The following SUMF1 variants were observed in gnomAD, a reference collection of about 807,000 sequenced individuals.
SUMF1 encodes the protein formylglycine-generating enzyme.
SUMF1 carries 48 observed loss-of-function variants against 47.6 expected under a neutral mutation model. The observed-to-expected ratio is 1.01, with a 90% CI of 0.80 to 1.28. SUMF1 has a LOEUF of 1.28. SUMF1 is among the 50% of genes most tolerant of loss of function. The pLI is 0.00. For missense variants in SUMF1, 571 were observed against 485.4 expected (o/e 1.18, Z -1.66); for synonymous variants, 230 against 192.1 (o/e 1.20, Z -1.63).
chr3:4,182,603 AC>A (rs928010619), intron 8 of SUMF1, among the ~76,000 whole-genome samples: 8 of 151,702 alleles, frequency 5.3e-5, no homozygotes, highest in South Asian at 2.1e-4. Context: ...TATATATTCC[AC>A]CCCAATTCTC....
At chr3:4,181,790 C>A (rs1187585701) in intron 8 of SUMF1, among the ~76,000 whole-genome samples, 2 of 152,098 alleles carry the variant, frequency 1.3e-5, no homozygotes, top group South Asian at 4.1e-4. Flanking sequence ...CCACAGAATT[C>A]TCTGGCTGTG....
At chr3:4,398,614 C>G (rs894882106) in intron 7 of SUMF1, among the ~76,000 whole-genome samples, 2 of 152,034 alleles carry the variant, frequency 1.3e-5, no homozygotes, top group Non-Finnish European at 2.9e-5. Flanking sequence ...GATACAAAAA[C>G]TAGCTTGCCA....
chr3:4,114,742 T>C (rs77698137), intron 8 of SUMF1, among the ~76,000 whole-genome samples: 3,083 of 152,262 alleles, frequency 0.02, 48 homozygotes, highest in Non-Finnish European at 0.033. Flanking sequence ...GAGAAGTATT[T>C]AAGAAATCAT....
At chr3:4,337,471 C>G (rs538756710) in intron 8 of SUMF1, among the ~76,000 whole-genome samples, 1 of 152,220 alleles carries the variant, frequency 6.6e-6, no homozygotes, top group Non-Finnish European at 1.5e-5. Context: ...GTCCTCTCGT[C>G]CAGACATATT....
At position 4,193,209 on chromosome 3, in the gene SUMF1, G is replaced by A. The variant is rs147303242; in HGVS notation, c.1015-124464C>T. On this transcript the variant is annotated intron_variant and NMD_transcript_variant, in intron 8 of 12. Transcript: ENST00000448413. Reference sequence around the variant, plus strand: ...ATATGGGTATTATACATGAAGAACTGAAATTTTATTTTATTTTTAATTTAT... The same window carrying A: ...ATATGGGTATTATACATGAAGAACTAAAATTTTATTTTATTTTTAATTTAT... 1.8e-3 allele frequency among the ~76,000 whole-genome samples: 275 copies of A among 152,144 alleles called. 2 individuals are homozygous for A. The highest frequency in any genetic ancestry group is 6.4e-3 in the African/African-American group (264 of 41,514).
chr3:4,242,135 G>A (rs568911536), intron 8 of SUMF1, among the ~76,000 whole-genome samples: 3 of 152,294 alleles, frequency 2.0e-5, no homozygotes, highest in Admixed American at 1.3e-4. Flanking sequence ...TGTATGCTAA[G>A]ACTTTGCTGA....
intron 9 of SUMF1, among the ~76,000 whole-genome samples, chr3:4,062,533 C>A (rs1205291509): frequency 6.6e-6 from 1 of 152,004 alleles, no homozygotes; most frequent in Non-Finnish European, 1.5e-5. Flanking sequence ...TACCAACAAT[C>A]GTATAGGTTT....
chr3:4,208,037 C>A (rs2125159228), intron 8 of SUMF1, among the ~76,000 whole-genome samples: 1 of 152,206 alleles, frequency 6.6e-6, no homozygotes, highest in Middle Eastern at 3.4e-3. Flanking sequence ...ATGCTTCTGG[C>A]AGGGGTTGGG....
At chr3:4,188,892 C>T (rs1359959055) in intron 8 of SUMF1, among the ~76,000 whole-genome samples, 1 of 152,112 alleles carries the variant, frequency 6.6e-6, no homozygotes, top group African/African-American at 2.4e-5. Context: ...TGAGTAAACA[C>T]TACAATTAAT....
At chr3:4,035,480 C>T (rs1694776184) in intron 9 of SUMF1, among the ~76,000 whole-genome samples, 1 of 152,136 alleles carries the variant, frequency 6.6e-6, no homozygotes, top group Non-Finnish European at 1.5e-5. Context: ...ATTAAGATCC[C>T]AACCAGATCA....
chr3:4,105,357 G>C (rs748503632), intron 8 of SUMF1, among the ~76,000 whole-genome samples: 1 of 152,110 alleles, frequency 6.6e-6, no homozygotes, highest in Non-Finnish European at 1.5e-5. Context: ...TTTTTAAAAA[G>C]AGTCTCCTTA....
At chr3:4,349,346 G>A (rs1699439163) in intron 8 of SUMF1, among the ~76,000 whole-genome samples, 1 of 152,200 alleles carries the variant, frequency 6.6e-6, no homozygotes, top group South Asian at 2.1e-4. Flanking sequence ...AGAGGCTAGT[G>A]AGGCTGTGGA....
intron 8 of SUMF1, among the ~76,000 whole-genome samples, chr3:4,267,393 C>A (rs1018532972): frequency 6.6e-6 from 1 of 152,164 alleles, no homozygotes; most frequent in African/African-American, 2.4e-5. Flanking sequence ...ATTATTACCG[C>A]AATTTCAGCT....
In SUMF1 at chr3:4,362,074, A is replaced by T. The variant is rs1173247646; in HGVS notation, c.*70T>A. The T allele has an allele frequency of 2.4e-5, 35 of 1,449,946 alleles. 1 individual carries two copies. In the Admixed American group the frequency reaches 5.9e-4, roughly 24 times the overall value. 89.8% of individuals were successfully genotyped at this position (1,449,946 alleles called of 1,614,324 possible). A position where few individuals can be genotyped will look rare whatever the true frequency, so the allele number is the denominator to read the frequency against. On this transcript the variant is annotated 3_prime_UTR_variant, in exon 9 of 9. Coordinates refer to ENST00000272902, the MANE Select transcript of SUMF1 (RefSeq NM_182760.4). ...GAATTCTTTGCATGGGATCGTTCAA[A>T]GTTCTGAGAAAAGCCCAATGTAGGT...
At chr3:4,303,746 C>T (rs183046961) in intron 8 of SUMF1, 1 of 1,484,220 alleles carries the variant, frequency 6.7e-7, no homozygotes, top group Admixed American at 2.1e-5. Context: ...TCAGTCCATT[C>T]CCTGAAGCGC....
intron 3 of SUMF1, among the ~76,000 whole-genome samples, chr3:4,445,486 T>G (rs1395388683): frequency 6.6e-6 from 1 of 152,072 alleles, no homozygotes; most frequent in Non-Finnish European, 1.5e-5. Context: ...TATGAACACA[T>G]GCTACCATAC....
intron 8 of SUMF1, among the ~76,000 whole-genome samples, chr3:4,221,441 GTGT>G (rs1345869074): frequency 2.6e-5 from 4 of 151,646 alleles, no homozygotes; most frequent in African/African-American, 9.7e-5. Context: ...GTGTGTGTGT[GTGT>G]GTGTGTGTTT....
intron 8 of SUMF1, among the ~76,000 whole-genome samples, chr3:4,132,118 C>T (rs1050242986): frequency 6.6e-6 from 1 of 152,092 alleles, no homozygotes; most frequent in Non-Finnish European, 1.5e-5. Context: ...AGGTTTGTCC[C>T]CACCAGAATA....
At chr3:4,052,033 C>T (rs1301186783) in intron 9 of SUMF1, among the ~76,000 whole-genome samples, 1 of 152,088 alleles carries the variant, frequency 6.6e-6, no homozygotes, top group African/African-American at 2.4e-5. Context: ...CCTAAGGCTG[C>T]CATATCACCA....
Sources: allele counts gnomAD v4.1 joint callset (sites outside exome capture counted in the v4.1 genomes callset), GRCh38; gene constraint gnomAD v4.1.1; transcripts MANE v1.5; gene names NCBI Gene and HGNC (gene_info 2026-07-23, HGNC 2026-07-21).